Variants in SHISA9 observed in about 807,000 individuals in gnomAD.
SHISA9 encodes protein shisa-9.
Under a neutral mutation model 38.0 loss-of-function variants are expected in SHISA9, and 13 were observed. The observed-to-expected ratio is 0.34, with a 90% CI of 0.22 to 0.54. The LOEUF (loss-of-function observed/expected upper bound fraction) is 0.54, where lower values mean the gene tolerates loss of function less well. Among genes scored for constraint, SHISA9 ranks in the 20% least tolerant of loss-of-function variants. The probability of loss-of-function intolerance (pLI) is 0.91; values close to 1 mark genes in which losing one functional copy is unlikely to be tolerated. For missense variants in SHISA9, 538 were observed against 575.8 expected (o/e 0.93, Z 0.67); for synonymous variants, 275 against 242.0 (o/e 1.14, Z -1.27).
chr16:13,034,582 T>C (rs1707676634), intron 2 of SHISA9, among the ~76,000 whole-genome samples: 1 of 152,178 alleles, frequency 6.6e-6, no homozygotes, highest in South Asian at 2.1e-4. Context: ...ACCCAATTCT[T>C]CAGACCTCCC....
chr16:13,315,460 C>T, the SHISA9 span, among the ~76,000 whole-genome samples: 3 of 152,162 alleles, frequency 2.0e-5, no homozygotes, highest in Non-Finnish European at 4.4e-5. Flanking sequence ...TTCATTACCT[C>T]GTTTAATCTT....
the SHISA9 span, among the ~76,000 whole-genome samples, chr16:13,512,410 G>A: frequency 2.6e-5 from 4 of 152,088 alleles, no homozygotes; most frequent in African/African-American, 4.8e-5. Context: ...AATCAATATC[G>A]TGAAAATGGC....
chr16:13,314,007 C>T, the SHISA9 span, among the ~76,000 whole-genome samples: 3 of 151,970 alleles, frequency 2.0e-5, no homozygotes, highest in Admixed American at 6.6e-5. Context: ...AGTCAGAGGT[C>T]GTGGGATTTT....
chr16:13,300,060 G>C, the SHISA9 span, among the ~76,000 whole-genome samples: 1 of 152,114 alleles, frequency 6.6e-6, no homozygotes, highest in Non-Finnish European at 1.5e-5. Flanking sequence ...AAGTAGCCCA[G>C]CTGTTTTCTT....
the SHISA9 span, among the ~76,000 whole-genome samples, chr16:13,475,190 T>G: frequency 1.3e-5 from 2 of 151,930 alleles, no homozygotes; most frequent in Non-Finnish European, 2.9e-5. Context: ...TGGACTGTGT[T>G]TTGGAGGTGG....
At chr16:13,230,483 C>G (rs1447535853) in intron 4 of SHISA9, among the ~76,000 whole-genome samples, 1 of 152,096 alleles carries the variant, frequency 6.6e-6, no homozygotes, top group Admixed American at 6.5e-5. Context: ...ATGGAGTCAA[C>G]CATTGCTCCC....
chr16:13,185,394 A>G (rs75663473), intron 2 of SHISA9, among the ~76,000 whole-genome samples: 2,575 of 152,162 alleles, frequency 0.017, 35 homozygotes, highest in Non-Finnish European at 0.024. Context: ...GTAGAGATGG[A>G]GGTCTTGCTA....
chr16:13,116,939 G>T (rs1315056139), intron 2 of SHISA9, among the ~76,000 whole-genome samples: 1 of 152,182 alleles, frequency 6.6e-6, no homozygotes, highest in Non-Finnish European at 1.5e-5. Context: ...ATACGTCCCA[G>T]TGGTATTTTA....
intron 2 of SHISA9, among the ~76,000 whole-genome samples, chr16:13,045,760 CACT>C (rs386789228): frequency 2.6e-5 from 4 of 151,558 alleles, no homozygotes; most frequent in African/African-American, 4.9e-5. Context: ...CCCCTGCCCC[CACT>C]GTGTCCCCCA....
chr16:13,396,967 A>G, the SHISA9 span, among the ~76,000 whole-genome samples: 3 of 152,090 alleles, frequency 2.0e-5, no homozygotes, highest in Non-Finnish European at 1.5e-5. Context: ...CACCCCTGAG[A>G]CAGTGAGACC....
chr16:13,557,141 CAG>C, the SHISA9 span, among the ~76,000 whole-genome samples: 1 of 152,132 alleles, frequency 6.6e-6, no homozygotes, highest in Non-Finnish European at 1.5e-5. Context: ...AGTGAATAAA[CAG>C]AATATTCTTC....
At chr16:13,457,258 A>G in the SHISA9 span, among the ~76,000 whole-genome samples, 1 of 152,226 alleles carries the variant, frequency 6.6e-6, no homozygotes, top group African/African-American at 2.4e-5. Flanking sequence ...GTGAGCCAAG[A>G]TCGCACCATT....
At chr16:13,387,125 C>T in the SHISA9 span, among the ~76,000 whole-genome samples, 1 of 152,192 alleles carries the variant, frequency 6.6e-6, no homozygotes, top group Non-Finnish European at 1.5e-5. Flanking sequence ...TCATCCATTT[C>T]TGTACATTTA....
At chr16:13,299,016 G>T in the SHISA9 span, among the ~76,000 whole-genome samples, 39 of 152,268 alleles carry the variant, frequency 2.6e-4, no homozygotes, top group African/African-American at 9.4e-4. Context: ...GCTCTCCTCA[G>T]AGCTGCAAGG....
intron 2 of SHISA9, among the ~76,000 whole-genome samples, chr16:13,055,297 T>C (rs2073297643): frequency 1.3e-5 from 2 of 152,160 alleles, no homozygotes; most frequent in East Asian, 3.9e-4. Context: ...AACTCAGACA[T>C]CTTTGCTTCA....
chr16:13,240,537 G>T (rs117986076), downstream of SHISA9: 12 of 152,280 alleles, frequency 7.9e-5, no homozygotes, highest in East Asian at 2.3e-3. Context: ...ATGGGAAGTT[G>T]TTTCCGGCAA....
At chr16:13,149,603 A>G (rs115604012) in intron 2 of SHISA9, among the ~76,000 whole-genome samples, 2,891 of 152,136 alleles carry the variant, frequency 0.019, 92 homozygotes, top group African/African-American at 0.066. Flanking sequence ...TCCCAACATT[A>G]AAATGGGGGT....
At chr16:12,910,325 TC>T (rs2071165152) in intron 1 of SHISA9, 1 of 253,762 alleles carries the variant, frequency 3.9e-6, no homozygotes, top group Non-Finnish European at 6.2e-6. Context: ...ATTCTTTCAT[TC>T]ATTCGATAGG....
the SHISA9 span, among the ~76,000 whole-genome samples, chr16:13,396,788 A>G: frequency 6.6e-6 from 1 of 152,122 alleles, no homozygotes; most frequent in African/African-American, 2.4e-5. Flanking sequence ...TCAGTCCTCA[A>G]GGAGTCTTTC....
Sources: allele counts gnomAD v4.1 joint callset (sites outside exome capture counted in the v4.1 genomes callset), GRCh38; gene constraint gnomAD v4.1.1; transcripts MANE v1.5; gene names NCBI Gene and HGNC (gene_info 2026-07-23, HGNC 2026-07-21).